Variants in CHD7 observed in about 807,000 individuals in gnomAD.
The protein encoded by CHD7 is chromodomain helicase DNA binding protein 7.
In CHD7, 24 loss-of-function variants were observed where a neutral mutation model predicts 307.3. The ratio of observed to expected loss-of-function variants is 0.08; its 90% CI spans 0.06 to 0.11. The LOEUF is 0.11. Among genes scored for constraint, CHD7 ranks in the 10% least tolerant of loss-of-function variants. CHD7 has a pLI of 1.00. For missense variants in CHD7, 3,106 were observed against 3,727.1 expected, an observed-to-expected ratio of 0.83 and a Z score of 4.34; for synonymous variants, 1,363 against 1,349.9, an observed-to-expected ratio of 1.01 and a Z score of -0.21.
At chr8:60,681,068 A>ACT (rs1160766516) in intron 1 of CHD7, among the ~76,000 whole-genome samples, 4 of 152,062 alleles carry the variant, frequency 2.6e-5, no homozygotes, top group African/African-American at 9.7e-5. Context: ...GGGAGGGAGT[A>ACT]CTCAGTATAC....
intron 16 of CHD7, 99 bp downstream of exon 16, chr8:60,836,382 C>A: frequency 1.1e-6 from 1 of 931,478 alleles, no homozygotes; most frequent in Non-Finnish European, 1.6e-6. Context: ...GATAAAGGGG[C>A]TAGAATGGGG....
At chr8:60,717,303 C>T (rs187184935) in intron 1 of CHD7, among the ~76,000 whole-genome samples, 1 of 152,282 alleles carries the variant, frequency 6.6e-6, no homozygotes, top group East Asian at 1.9e-4. Context: ...TTGTTGGCTG[C>T]AGAGTAAACA....
intron 1 of CHD7, among the ~76,000 whole-genome samples, chr8:60,710,932 A>G (rs1799885077): frequency 6.6e-6 from 1 of 152,260 alleles, no homozygotes. Context: ...TTGGAAAGTT[A>G]CACTAGGCGA....
chr8:60,863,223 C>T (rs1199772209), intron 37 of CHD7: 2 of 151,806 alleles, frequency 1.3e-5, no homozygotes, highest in African/African-American at 4.9e-5. Flanking sequence ...ACCCCCACCA[C>T]CCCGAGTTCC....
intron 7 of CHD7, among the ~76,000 whole-genome samples, chr8:60,813,607 G>A (rs998602345): frequency 1.3e-5 from 2 of 152,064 alleles, no homozygotes; most frequent in African/African-American, 4.8e-5. Flanking sequence ...TCCATTATGG[G>A]TGTTAAAGTT....
Position 60,862,252 on chromosome 8 carries a change from A to G in CHD7, c.7887A>G (p.Arg2629=), listed in dbSNP as rs1315914126. Reference sequence around the variant, plus strand: ...AGAAACCGAAACAGAAACGACATAGATGTCGAAACCCTAATAAATTGGATA... The same window carrying G: ...AGAAACCGAAACAGAAACGACATAGGTGTCGAAACCCTAATAAATTGGATA... ...SFQKPKQKRH[R]CRNPNKLDIN... Residue 2629 remains arginine (R), a synonymous_variant, in exon 36 of 38, where the codon AGA becomes AGG. Coordinates refer to ENST00000423902, the MANE Select transcript of CHD7 (RefSeq NM_017780.4). 1 of 1,612,038 alleles carries G rather than the reference A, an allele frequency of 6.2e-7. No homozygotes were observed. Among genetic ancestry groups the G allele is most frequent in the Non-Finnish European group, 8.5e-7 (1 of 1,178,922 alleles).
intron 2 of CHD7, among the ~76,000 whole-genome samples, chr8:60,744,460 A>G (rs1809218462): frequency 6.9e-6 from 1 of 144,300 alleles, no homozygotes; most frequent in Non-Finnish European, 1.5e-5. Flanking sequence ...AAAGCCACTC[A>G]GGGCATCTCA....
At chr8:60,795,265 C>T in intron 4 of CHD7, 138 bp downstream of exon 4, 2 of 817,880 alleles carry the variant, frequency 2.4e-6, no homozygotes, top group Non-Finnish European at 3.7e-6. Flanking sequence ...GGAACATTAT[C>T]TCCATAGCGA....
chr8:60,791,066 C>T (rs1811751443), intron 3 of CHD7, among the ~76,000 whole-genome samples: 1 of 152,180 alleles, frequency 6.6e-6, no homozygotes, highest in African/African-American at 2.4e-5. Flanking sequence ...TATGGAGAAT[C>T]TCAGACATTA....
At chr8:60,765,204 TAC>T (rs71245521) in intron 2 of CHD7, among the ~76,000 whole-genome samples, 6,934 of 150,070 alleles carry the variant, frequency 0.046, 544 homozygotes, top group African/African-American at 0.16. Flanking sequence ...GGGATATGCA[TAC>T]ACACACACAC....
intron 4 of CHD7, among the ~76,000 whole-genome samples, chr8:60,798,724 A>G (rs1036802196): frequency 2.0e-5 from 3 of 152,222 alleles, no homozygotes; most frequent in African/African-American, 7.2e-5. Context: ...ATTTTCCTCA[A>G]TATTTTTATT....
chr8:60,740,792 G>A (rs916682928), intron 1 of CHD7, among the ~76,000 whole-genome samples: 4 of 152,190 alleles, frequency 2.6e-5, no homozygotes, highest in African/African-American at 9.7e-5. Context: ...CACAGCCCTT[G>A]GTGCTGCTGT....
intron 12 of CHD7, among the ~76,000 whole-genome samples, chr8:60,823,603 A>G (rs1194750600): frequency 6.6e-6 from 1 of 152,180 alleles, no homozygotes; most frequent in East Asian, 1.9e-4. Context: ...TAATTGATGC[A>G]TGTGCTCTGT....
At chr8:60,763,798 C>G (rs1204392256) in intron 2 of CHD7, among the ~76,000 whole-genome samples, 1 of 152,118 alleles carries the variant, frequency 6.6e-6, no homozygotes, top group African/African-American at 2.4e-5. Flanking sequence ...CTTGGACATC[C>G]TGTCACTACT....
intron 2 of CHD7, among the ~76,000 whole-genome samples, chr8:60,751,836 T>G (rs1809656054): frequency 6.6e-6 from 1 of 152,152 alleles, no homozygotes; most frequent in Non-Finnish European, 1.5e-5. Flanking sequence ...GCCAAGAAAT[T>G]GACAGCGTTG....
intron 34 of CHD7, among the ~76,000 whole-genome samples, chr8:60,860,631 C>T (rs1448311799): frequency 1.3e-5 from 2 of 152,140 alleles, no homozygotes; most frequent in Non-Finnish European, 2.9e-5. Context: ...GATGGGGTTT[C>T]ACCATGTTGG....
chr8:60,755,332 C>T (rs1036798143), intron 2 of CHD7, among the ~76,000 whole-genome samples: 16 of 152,038 alleles, frequency 1.1e-4, no homozygotes, highest in African/African-American at 3.4e-4. Context: ...CATTTATGGG[C>T]AGCACTGTAA....
rs1169400731 is a variant in CHD7, at chr8:60,865,817, G to GAGA, written c.8879_8881dup (p.Glu2960_Ser2961insLys). 3.1e-6 allele frequency: 5 copies of GAGA among 1,613,824 alleles called. No individual in the cohort carries two copies. In the African/African-American group the frequency reaches 6.7e-5, roughly 22 times the overall value. On this transcript the variant is annotated inframe_insertion, in exon 38 of 38. Coordinates refer to ENST00000423902, the MANE Select transcript of CHD7 (RefSeq NM_017780.4). The surrounding 1 kb of genome is among the most constrained non-coding windows in gnomAD (Gnocchi z 4.3). ...GACCCTTGAAGGCAGCGATGCCGAG[G>GAGA]AGAGCCTGGATAAGACTGCAGAGTC...
chr8:60,765,934 G>A (rs116647548), intron 2 of CHD7, among the ~76,000 whole-genome samples: 2 of 152,296 alleles, frequency 1.3e-5, no homozygotes, highest in African/African-American at 4.8e-5. Context: ...AACCAAGTCA[G>A]GAAAGGACAG....
Sources: gnomAD v4.1 joint callset for allele counts (sites outside exome capture counted in the v4.1 genomes callset) on GRCh38, gnomAD v4.1.1 for gene constraint, Gnocchi (gnomAD v3.1) non-coding constraint, MANE v1.5 for transcripts, NCBI Gene and HGNC (gene_info 2026-07-23, HGNC 2026-07-21) for gene names.